Variants in CDH18 observed in about 807,000 individuals in gnomAD.
CDH18 encodes cadherin-18.
Under a neutral mutation model 67.9 loss-of-function variants are expected in CDH18, and 31 were observed. That is an observed-to-expected ratio of 0.46 (90% CI 0.34 to 0.62). CDH18 has a LOEUF of 0.62. CDH18 is among the 20% of genes least tolerant of loss of function. CDH18 has a pLI of 0.01. For missense variants in CDH18, 890 were observed against 975.5 expected (o/e 0.91, Z 1.17); for synonymous variants, 362 against 347.2 (o/e 1.04, Z -0.48).
intron 2 of CDH18, among the ~76,000 whole-genome samples, chr5:20,097,803 G>A (rs1227483586): frequency 6.6e-6 from 1 of 151,852 alleles, no homozygotes; most frequent in Non-Finnish European, 1.5e-5. Context: ...TCTATTTTTA[G>A]CATATATTTA....
intron 1 of CDH18, among the ~76,000 whole-genome samples, chr5:20,459,069 G>C (rs182818400): frequency 1.3e-5 from 2 of 152,176 alleles, no homozygotes. Context: ...ACCCTGTCAC[G>C]TGTATGCATA....
intron 2 of CDH18, among the ~76,000 whole-genome samples, chr5:19,994,855 T>TATATATAGAGAGAGAGAGAGAGAGAGAG (rs760777430): frequency 1.5e-5 from 1 of 67,584 alleles, no homozygotes; most frequent in African/African-American, 7.4e-5. Context: ...TATATATATA[T>TATATATAGAGAGAGAGAGAGAGAGAGAG]AGAGAGAGAG....
intron 1 of CDH18, among the ~76,000 whole-genome samples, chr5:20,412,777 A>G (rs1223883096): frequency 1.3e-5 from 2 of 152,214 alleles, no homozygotes; most frequent in African/African-American, 4.8e-5. Flanking sequence ...TAAAGCCACA[A>G]TGAGATACCA....
chr5:19,856,713 A>T (rs1187855602), intron 2 of CDH18, among the ~76,000 whole-genome samples: 1 of 151,850 alleles, frequency 6.6e-6, no homozygotes, highest in African/African-American at 2.4e-5. Context: ...GCAAAAAAAA[A>T]AATAAAAATC....
chr5:20,471,758 C>T (rs1278139278), intron 1 of CDH18, among the ~76,000 whole-genome samples: 9 of 147,288 alleles, frequency 6.1e-5, no homozygotes, highest in African/African-American at 1.5e-4. Context: ...GCCAAGATCA[C>T]GCCACTGCAC....
chr5:19,734,338 C>T (rs892940730), intron 4 of CDH18, among the ~76,000 whole-genome samples: 12 of 152,152 alleles, frequency 7.9e-5, no homozygotes, highest in Non-Finnish European at 1.3e-4. Flanking sequence ...ATTTCCAAAG[C>T]AGGAGTAACT....
chr5:19,744,730 G>C (rs1050053509), intron 4 of CDH18, among the ~76,000 whole-genome samples: 10 of 152,112 alleles, frequency 6.6e-5, no homozygotes, highest in Non-Finnish European at 8.8e-5. Flanking sequence ...GGGCTTCAGT[G>C]TTTTCTCTGT....
At chr5:20,356,667 C>G (rs1292379628) in intron 1 of CDH18, among the ~76,000 whole-genome samples, 2 of 149,508 alleles carry the variant, frequency 1.3e-5, no homozygotes, top group Non-Finnish European at 3.0e-5. Context: ...GAGAACAGAG[C>G]AGGAGATAAA....
intron 2 of CDH18, among the ~76,000 whole-genome samples, chr5:20,169,240 TG>T (rs1736516908): frequency 6.6e-6 from 1 of 152,218 alleles, no homozygotes; most frequent in Admixed American, 6.6e-5. Context: ...ATACATCTCA[TG>T]TACCCCATAA....
At chr5:20,001,295 A>C (rs906451191) in intron 2 of CDH18, among the ~76,000 whole-genome samples, 1 of 152,182 alleles carries the variant, frequency 6.6e-6, no homozygotes, top group African/African-American at 2.4e-5. Flanking sequence ...TATTGAAAGC[A>C]AGCAGTTGAA....
intron 2 of CDH18, among the ~76,000 whole-genome samples, chr5:19,900,565 A>G (rs887337211): frequency 1.3e-5 from 2 of 152,172 alleles, no homozygotes; most frequent in Non-Finnish European, 2.9e-5. Flanking sequence ...CACTTCATAC[A>G]TATGTACACT....
chr5:19,479,019 A>G (rs28419632), intron 12 of CDH18, among the ~76,000 whole-genome samples: 12,649 of 152,338 alleles, frequency 0.083, 687 homozygotes, highest in Middle Eastern at 0.13. Context: ...ACGTATACAT[A>G]GATGGATTCC....
chr5:20,157,569 T>A (rs1430774737), intron 2 of CDH18, among the ~76,000 whole-genome samples: 1 of 152,120 alleles, frequency 6.6e-6, no homozygotes, highest in Non-Finnish European at 1.5e-5. Flanking sequence ...AATAATTACA[T>A]TTTTAAGTGT....
chr5:20,484,405 T>C (rs1013284899), intron 1 of CDH18, among the ~76,000 whole-genome samples: 2 of 152,086 alleles, frequency 1.3e-5, no homozygotes, highest in African/African-American at 2.4e-5. Context: ...AGCTACTATA[T>C]GATCCAGTAA....
chr5:20,405,642 G>C (rs1162943064), intron 1 of CDH18, among the ~76,000 whole-genome samples: 8 of 152,054 alleles, frequency 5.3e-5, no homozygotes, highest in Non-Finnish European at 1.5e-5. Flanking sequence ...CCATCAGAGT[G>C]AACAGGCAAC....
chr5:20,183,677 C>T (rs1184075686), intron 2 of CDH18, among the ~76,000 whole-genome samples: 1 of 152,006 alleles, frequency 6.6e-6, no homozygotes, highest in Non-Finnish European at 1.5e-5. Flanking sequence ...TAGCACATTT[C>T]ACATGGATTC....
At chr5:20,505,114 T>C (rs1486025448) in intron 1 of CDH18, among the ~76,000 whole-genome samples, 2 of 151,608 alleles carry the variant, frequency 1.3e-5, no homozygotes, top group Non-Finnish European at 2.9e-5. Context: ...AAATCACCAA[T>C]CTATTATATG....
chr5:19,820,199 C>A (rs556802286), intron 3 of CDH18, among the ~76,000 whole-genome samples: 13 of 152,214 alleles, frequency 8.5e-5, no homozygotes, highest in African/African-American at 2.9e-4. Context: ...TCCACAAAAC[C>A]AGACAAGAAA....
At chr5:19,564,938 TG>T (rs1225968892) in intron 8 of CDH18, among the ~76,000 whole-genome samples, 1 of 151,920 alleles carries the variant, frequency 6.6e-6, no homozygotes, top group Non-Finnish European at 1.5e-5. Flanking sequence ...ACATACCACA[TG>T]GGGAGAAACT....
Sources: allele counts gnomAD v4.1 joint callset (sites outside exome capture counted in the v4.1 genomes callset), GRCh38; gene constraint gnomAD v4.1.1; transcripts MANE v1.5; gene names NCBI Gene and HGNC (gene_info 2026-07-23, HGNC 2026-07-21).